ADTRP: variants seen among roughly 807,000 people sequenced by gnomAD.
ADTRP encodes the protein androgen dependent TFPI regulating protein, also known as androgen-dependent TFPI-regulating protein.
Under a neutral mutation model 27.0 loss-of-function variants are expected in ADTRP, and 20 were observed. The observed-to-expected ratio is 0.74, with a 90% CI of 0.52 to 1.08. ADTRP has a LOEUF of 1.08. Ranked by LOEUF, ADTRP falls within the 50% of genes least tolerant of loss-of-function variation. ADTRP has a pLI of 0.00. For synonymous variants in ADTRP, 101 were observed against 105.2 expected (o/e 0.96, Z 0.25); for missense variants, 251 against 275.0 (o/e 0.91, Z 0.62).
chr6:11,717,575 C>T, intron 5 of ADTRP, among the ~76,000 whole-genome samples: 1 of 152,202 alleles, frequency 6.6e-6, no homozygotes, highest in Non-Finnish European at 1.5e-5. Context: ...AAAATGAATG[C>T]CAGGCATTGA....
At chr6:11,745,756 G>T (rs934448925) in intron 3 of ADTRP, among the ~76,000 whole-genome samples, 6 of 152,076 alleles carry the variant, frequency 3.9e-5, no homozygotes, top group African/African-American at 1.4e-4. Context: ...ATAACTACAT[G>T]TGAGAGGTTA....
At chr6:11,770,227 C>A (rs1054216831) in intron 1 of ADTRP, 86 of 747,502 alleles carry the variant, frequency 1.2e-4, no homozygotes, top group Middle Eastern at 3.4e-4. Context: ...CTGGTTCCCA[C>A]CCCCAGAGAT....
intron 3 of ADTRP, among the ~76,000 whole-genome samples, chr6:11,742,909 T>C (rs891904524): frequency 8.5e-5 from 13 of 152,260 alleles, no homozygotes; most frequent in African/African-American, 2.9e-4. Context: ...GATTTTATTC[T>C]TTGTTTAAAG....
intron 1 of ADTRP, among the ~76,000 whole-genome samples, chr6:11,771,937 T>C (rs191903621): frequency 4.6e-5 from 7 of 152,290 alleles, no homozygotes; most frequent in Admixed American, 3.3e-4. Context: ...CCTCCAGAAC[T>C]ATGAGAAAAT....
intron 5 of ADTRP, chr6:11,717,543 C>T (rs1189255679): frequency 1.9e-6 from 2 of 1,076,948 alleles, no homozygotes; most frequent in Non-Finnish European, 2.4e-6. Flanking sequence ...CAAAGATTTA[C>T]ACCTATGTAT....
intron 4 of ADTRP, among the ~76,000 whole-genome samples, chr6:11,732,450 C>G (rs1762419532): frequency 6.6e-6 from 1 of 152,214 alleles, no homozygotes. Context: ...GTTTGTAGAA[C>G]TTCATGGCCA....
chr6:11,732,279 C>T (rs1222924705), intron 4 of ADTRP, among the ~76,000 whole-genome samples: 1 of 152,178 alleles, frequency 6.6e-6, no homozygotes, highest in Non-Finnish European at 1.5e-5. Context: ...GCTTCAGTGC[C>T]GTTTTCCTGA....
intron 3 of ADTRP, among the ~76,000 whole-genome samples, chr6:11,751,606 T>G (rs943789169): frequency 1.3e-5 from 2 of 152,104 alleles, no homozygotes; most frequent in African/African-American, 4.8e-5. Context: ...TTTTAGCTCA[T>G]TTTGGGGGAT....
At chr6:11,773,041 G>C (rs981470308) in intron 1 of ADTRP, among the ~76,000 whole-genome samples, 3 of 152,206 alleles carry the variant, frequency 2.0e-5, no homozygotes, top group Non-Finnish European at 4.4e-5. Context: ...ACACCTTCAT[G>C]ATGGGATGGC....
chr6:11,773,908 G>A (rs1298025933), intron 1 of ADTRP, among the ~76,000 whole-genome samples: 1 of 152,224 alleles, frequency 6.6e-6, no homozygotes, highest in Non-Finnish European at 1.5e-5. Flanking sequence ...TTTGGGTGCT[G>A]GTGGTGACTA....
intron 3 of ADTRP, among the ~76,000 whole-genome samples, chr6:11,758,463 C>T (rs375296047): frequency 1.4e-5 from 2 of 147,960 alleles, no homozygotes; most frequent in South Asian, 2.1e-4. Context: ...AGCAAACTAT[C>T]GCAAGGACAA....
At chr6:11,777,243 C>A (rs1029934349) in intron 1 of ADTRP, among the ~76,000 whole-genome samples, 5 of 83,268 alleles carry the variant, frequency 6.0e-5, no homozygotes, top group Non-Finnish European at 1.5e-4. Context: ...AAGTCAGGAT[C>A]AGTTGTGTGT....
chr6:11,732,307 C>T (rs532943299), intron 4 of ADTRP, among the ~76,000 whole-genome samples: 8 of 152,324 alleles, frequency 5.3e-5, no homozygotes, highest in Admixed American at 2.0e-4. Flanking sequence ...TCGTTTCTCA[C>T]GCTCCCTCTG....
chr6:11,764,555 TTTAAG>T (rs1763492898), intron 3 of ADTRP, among the ~76,000 whole-genome samples: 1 of 152,158 alleles, frequency 6.6e-6, no homozygotes, highest in Non-Finnish European at 1.5e-5. Flanking sequence ...TTTTTTTTTT[TTTAAG>T]TAAGAATTCA....
Position 11,774,311 on chromosome 6 carries a change from A to AAAAT in ADTRP, c.153+4292_153+4295dup, listed in dbSNP as rs140361069. On this transcript the variant is annotated intron_variant, in intron 1 of 5. Coordinates refer to ENST00000414691, the MANE Select transcript of ADTRP (RefSeq NM_032744.4). ...GGGAACAGAGAGAGATTCCATCTCAAAAATAAATAAATAAATAAATAAATA... is the reference window on the plus strand; with the variant it reads ...GGGAACAGAGAGAGATTCCATCTCAAAAATAAATAAATAAATAAATAAATAAATA... Among the ~76,000 whole-genome samples the AAAAT allele has an allele frequency of 3.2e-3, 465 of 144,708 alleles. 1 individual carries two copies. The highest frequency in any genetic ancestry group is 7.0e-3 in the African/African-American group (273 of 39,092). The allele number at this position is 144,708 out of a possible 152,430, so 94.9% of individuals were successfully genotyped here. A position where few individuals can be genotyped will look rare whatever the true frequency, so the allele number is the denominator to read the frequency against.
At chr6:11,778,041 T>G (rs1167443126) in intron 1 of ADTRP, among the ~76,000 whole-genome samples, 1 of 152,226 alleles carries the variant, frequency 6.6e-6, no homozygotes. Flanking sequence ...TTTAAATAGT[T>G]GAAAATGTGT....
intron 4 of ADTRP, among the ~76,000 whole-genome samples, chr6:11,729,947 T>G (rs1762332613): frequency 6.6e-6 from 1 of 152,234 alleles, no homozygotes; most frequent in Admixed American, 6.5e-5. Flanking sequence ...TGTCAATCAA[T>G]CCATAAAACC....
At chr6:11,766,233 C>A in intron 3 of ADTRP, 41 bp downstream of exon 3, 1 of 1,457,408 alleles carries the variant, frequency 6.9e-7, no homozygotes, top group Non-Finnish European at 9.5e-7. Flanking sequence ...AGTACAGAGG[C>A]TATTGGTGTT....
At chr6:11,729,070 A>G (rs1416215095) in intron 4 of ADTRP, among the ~76,000 whole-genome samples, 3 of 152,240 alleles carry the variant, frequency 2.0e-5, no homozygotes, top group Non-Finnish European at 4.4e-5. Context: ...TTAGAGCATT[A>G]TAATGGCTGT....
Sources: gnomAD v4.1 joint callset for allele counts (sites outside exome capture counted in the v4.1 genomes callset) on GRCh38, gnomAD v4.1.1 for gene constraint, MANE v1.5 for transcripts, NCBI Gene and HGNC (gene_info 2026-07-23, HGNC 2026-07-21) for gene names.